PCM1: variants seen among roughly 807,000 people sequenced by gnomAD.
PCM1 encodes the protein pericentriolar material 1, also known as pericentriolar material 1 protein.
In PCM1, 157 loss-of-function variants were observed where a neutral mutation model predicts 241.9. The ratio of observed to expected loss-of-function variants is 0.65; its 90% CI spans 0.57 to 0.74. The LOEUF is 0.74. PCM1 is among the 30% of genes least tolerant of loss of function. The probability of loss-of-function intolerance (pLI) is 0.00; values close to 1 mark genes in which losing one functional copy is unlikely to be tolerated. For synonymous variants in PCM1, 1,085 were observed against 784.9 expected (o/e 1.38, Z -6.39); for missense variants, 3,478 against 2,360.1 (o/e 1.47, Z -9.81).
At chr8:18,024,493 G>A (rs2094007622) in intron 36 of PCM1, among the ~76,000 whole-genome samples, 1 of 152,118 alleles carries the variant, frequency 6.6e-6, no homozygotes, top group African/African-American at 2.4e-5. Flanking sequence ...GCCTCACTAC[G>A]AGTACAATTA....
intron 21 of PCM1, among the ~76,000 whole-genome samples, chr8:17,967,816 A>G (rs2129470105): frequency 6.6e-6 from 1 of 152,262 alleles, no homozygotes; most frequent in Middle Eastern, 3.4e-3. Context: ...TGTTAGGGGG[A>G]TGCTAATAGA....
In PCM1 at chr8:17,969,809, A is replaced by T. The variant is rs532158940; in HGVS notation, c.3584+61A>T. 105 of 1,247,670 alleles carry T rather than the reference A, an allele frequency of 8.4e-5. 2 individuals carry two copies. The South Asian group carries it at 9.1e-4, about 11-fold the overall frequency. 77.3% of individuals were successfully genotyped at this position (1,247,670 alleles called of 1,614,324 possible). A position where few individuals can be genotyped will look rare whatever the true frequency, so the allele number is the denominator to read the frequency against. ...TTCACTTTTGTGATTACATCTAATT[A>T]TGTGTAATTTGAAAACACAACTAGG... On this transcript the variant is annotated intron_variant, in intron 22 of 38. Coordinates refer to ENST00000325083, the MANE Select transcript of PCM1 (RefSeq NM_006197.4).
At chr8:18,016,793 C>G (rs937758069) in intron 36 of PCM1, among the ~76,000 whole-genome samples, 2 of 152,208 alleles carry the variant, frequency 1.3e-5, no homozygotes, top group African/African-American at 4.8e-5. Context: ...CCCTTTCACT[C>G]TGGACGATGT....
intron 36 of PCM1, 145 bp from the exon 37 acceptor site, chr8:18,025,216 C>T: frequency 3.2e-6 from 1 of 310,598 alleles, no homozygotes; most frequent in East Asian, 8.1e-5. Context: ...TTCCTATGAA[C>T]TGCATATTTC....
At chr8:18,017,847 C>G (rs548979430) in intron 36 of PCM1, among the ~76,000 whole-genome samples, 2 of 151,648 alleles carry the variant, frequency 1.3e-5, no homozygotes, top group Admixed American at 6.6e-5. Context: ...GAGCAAAACT[C>G]CATCTCAAAA....
chr8:17,989,916 G>T lies in PCM1; in HGVS notation c.4468G>T (p.Ala1490Ser). Reference sequence around the variant, plus strand: ...CCATAAAATAAGTGAGCAAAATGATGCTGATAATGCTAGTGTCCTGTCTGT... The same window carrying T: ...CCATAAAATAAGTGAGCAAAATGATTCTGATAATGCTAGTGTCCTGTCTGT... Reference protein sequence around the residue: ...ETHKISEQNDADNASVLSVSS... With the variant: ...ETHKISEQNDSDNASVLSVSS... The change falls in exon 27 of 39, where the codon GCT becomes TCT. Residue 1490 changes from alanine to serine, a missense_variant. Coordinates refer to ENST00000325083, the MANE Select transcript of PCM1 (RefSeq NM_006197.4). The T allele has an allele frequency of 1.9e-6, 3 of 1,546,026 alleles. No homozygotes were observed. The highest frequency in any genetic ancestry group is 2.6e-6 in the Non-Finnish European group (3 of 1,143,022).
chr8:17,967,687 A>T (rs73571767), intron 21 of PCM1, among the ~76,000 whole-genome samples: 2,525 of 152,314 alleles, frequency 0.017, 73 homozygotes, highest in African/African-American at 0.058. Flanking sequence ...TGATTGCTTC[A>T]ACTATTTATT....
chr8:17,932,748 TTC>T (rs1174694519), intron 2 of PCM1, among the ~76,000 whole-genome samples: 3 of 152,164 alleles, frequency 2.0e-5, no homozygotes, highest in Non-Finnish European at 2.9e-5. Flanking sequence ...ATTTAGTAAG[TTC>T]TCTGTTTTTA....
Position 18,025,369 on chromosome 8 carries a change from A to G in PCM1, c.5850A>G (p.Glu1950=). 1 of 1,578,518 alleles carries G rather than the reference A, an allele frequency of 6.3e-7. No individual in the cohort carries two copies. The highest frequency in any genetic ancestry group is 8.7e-7 in the Non-Finnish European group (1 of 1,152,544). ...TTTTCATTACATTACAGGAAGCAGA[A>G]TCTGGTAATATAAGTCAAAAGTCTG... ...SPVLVNDYEA[E]SGNISQKSDE... Residue 1950 remains glutamate (E), a synonymous_variant, in exon 37 of 39, where the codon GAA becomes GAG. Coordinates refer to ENST00000325083, the MANE Select transcript of PCM1 (RefSeq NM_006197.4).
intron 15 of PCM1, among the ~76,000 whole-genome samples, chr8:17,961,606 C>T (rs1213672848): frequency 3.9e-5 from 6 of 152,040 alleles, no homozygotes; most frequent in Admixed American, 3.3e-4. Context: ...CCACCGCTCC[C>T]GGCCTATTGG....
In PCM1 at chr8:17,947,284, A is replaced by G. The variant is rs926333350; in HGVS notation, c.882A>G (p.Arg294=). 1.5e-5 allele frequency: 24 copies of G among 1,612,694 alleles called. No individual in the cohort carries two copies. The highest frequency in any genetic ancestry group is 2.0e-5 in the Non-Finnish European group (24 of 1,178,974). ...KRMLQQQEQL[R]ALQGRQAALL... is the part of the protein sequence containing the mutation. ...TGTTACAACAGCAGGAGCAACTAAG[A>G]GCTCTACAGGGACGGCAGGCTGCAC... Residue 294 remains arginine (R), a synonymous_variant, in exon 7 of 39, where the codon AGA becomes AGG. Coordinates refer to ENST00000325083, the MANE Select transcript of PCM1 (RefSeq NM_006197.4).
chr8:17,945,042 GAGAGA>G (rs2063334023), intron 6 of PCM1, among the ~76,000 whole-genome samples: 1 of 152,080 alleles, frequency 6.6e-6, no homozygotes, highest in Non-Finnish European at 1.5e-5. Context: ...GATCAACCTA[GAGAGA>G]TTTTGTTTTA....
Position 18,006,302 on chromosome 8 carries a change from TC to T in PCM1, c.4868del (p.Ser1623Ter). On this transcript the variant is annotated frameshift_variant, in exon 30 of 39. Transcript: ENST00000325083. LOFTEE classifies it high-confidence loss of function. ...AGTATGCTCCTCGCAGCTTCTAACT[TC>T]AGTAAGGCGCATGGTTTTGACCCTT... ...DEVCSSQLLT[S>X]VRRMVLTLTQ... 10 of 1,612,494 alleles carry T rather than the reference TC, an allele frequency of 6.2e-6. No individual in the cohort carries two copies. Among genetic ancestry groups the T allele is most frequent in the Non-Finnish European group, 8.5e-6 (10 of 1,178,802 alleles).
chr8:17,932,085 C>A (rs752218340), intron 2 of PCM1, among the ~76,000 whole-genome samples: 37 of 151,994 alleles, frequency 2.4e-4, no homozygotes, highest in African/African-American at 7.3e-5. Flanking sequence ...CCATGATACA[C>A]CGACAGGTTA....
chr8:17,972,771 T>G (rs756291366), intron 23 of PCM1, 84 bp downstream of exon 23: 9 of 755,154 alleles, frequency 1.2e-5, no homozygotes, highest in Non-Finnish European at 1.8e-5. Flanking sequence ...ATAGTTTCAG[T>G]AAGGCTAGAT....
At chr8:17,977,215 A>G (rs1337534762) in intron 23 of PCM1, among the ~76,000 whole-genome samples, 1 of 152,156 alleles carries the variant, frequency 6.6e-6, no homozygotes, top group African/African-American at 2.4e-5. Context: ...TTTGGCACTC[A>G]TACTCTTTAT....
At chr8:17,992,630 T>TTTTTTTTTGC (rs1185127520) in intron 28 of PCM1, among the ~76,000 whole-genome samples, 1 of 148,826 alleles carries the variant, frequency 6.7e-6, no homozygotes. Context: ...TTTTTTTTTT[T>TTTTTTTTTGC]AATTTGAGCA....
chr8:17,959,279 A>G (rs1444526821), intron 13 of PCM1, among the ~76,000 whole-genome samples: 2 of 151,512 alleles, frequency 1.3e-5, no homozygotes, highest in Non-Finnish European at 2.9e-5. Flanking sequence ...TAAGTAATTA[A>G]GAAACACAAA....
intron 2 of PCM1, among the ~76,000 whole-genome samples, chr8:17,934,185 C>G (rs965469521): frequency 1.3e-5 from 2 of 151,786 alleles, no homozygotes; most frequent in Admixed American, 1.3e-4. Context: ...GATATTTTTT[C>G]TCTAGTGAAT....
Sources: gnomAD v4.1 joint callset for allele counts (sites outside exome capture counted in the v4.1 genomes callset) on GRCh38, gnomAD v4.1.1 for gene constraint, MANE v1.5 for transcripts, NCBI Gene and HGNC (gene_info 2026-07-23, HGNC 2026-07-21) for gene names.